CTSB: variants seen among roughly 807,000 people sequenced by gnomAD.
The protein encoded by CTSB is APP secretase.
CTSB carries 57 observed loss-of-function variants against 44.3 expected under a neutral mutation model. The observed-to-expected ratio is 1.29, with a 90% confidence interval of 1.04 to 1.60. The LOEUF (loss-of-function observed/expected upper bound fraction) is 1.60. CTSB is among the 40% of genes most tolerant of loss of function. The pLI, the probability that CTSB is intolerant of heterozygous loss-of-function variation, is 0.00. For missense variants in CTSB, 768 were observed against 443.0 expected (o/e 1.73, Z -6.59); for synonymous variants, 320 against 168.0 (o/e 1.91, Z -7.00).
chr8:11,845,855 A>G, intron 8 of CTSB, 66 bp from the exon 9 acceptor site: 1 of 1,499,302 alleles, frequency 6.7e-7, no homozygotes, highest in African/African-American at 1.4e-5. Flanking sequence ...AGCACCCCCC[A>G]CACTCAGCTG....
At chr8:11,859,822 C>G (rs796871916) in intron 1 of CTSB, among the ~76,000 whole-genome samples, 6 of 138,092 alleles carry the variant, frequency 4.3e-5, no homozygotes, top group African/African-American at 1.6e-4. Flanking sequence ...CGCATGTAAT[C>G]CCAGCACTTT....
intron 1 of CTSB, among the ~76,000 whole-genome samples, chr8:11,856,549 G>A (rs1018601527): frequency 6.6e-6 from 1 of 152,078 alleles, no homozygotes; most frequent in African/African-American, 2.4e-5. Flanking sequence ...GGAGGCAGAG[G>A]CTGCACTCCA....
intron 1 of CTSB, among the ~76,000 whole-genome samples, chr8:11,865,071 G>C (rs185881445): frequency 6.6e-6 from 1 of 152,140 alleles, no homozygotes; most frequent in African/African-American, 2.4e-5. Flanking sequence ...GGGACCAGAC[G>C]TAGAGACTGC....
chr8:11,864,637 G>C (rs141716528), intron 1 of CTSB, among the ~76,000 whole-genome samples: 51 of 152,248 alleles, frequency 3.3e-4, no homozygotes, highest in African/African-American at 1.1e-3. Flanking sequence ...GATAAGGCTT[G>C]AAACTAAAAA....
rs569773051 is a variant in CTSB at position 11,855,290 on chromosome 8, G to C, written c.-25-1811C>G. On this transcript the variant is annotated intron_variant, in intron 1 of 9. Coordinates refer to ENST00000353047, the MANE Select transcript of CTSB (RefSeq NM_001908.5). ...CTGACTCAGCCTCCCAAAGTGCTGC[G>C]ATGACAGGCGTGAGGCACCGCACCA... Among the ~76,000 whole-genome samples the C allele has an allele frequency of 3.0e-4, 45 of 152,288 alleles. 1 individual carries two copies. The South Asian group carries it at 8.3e-3, about 28-fold the overall frequency.
chr8:11,849,148 T>G lies in CTSB; in HGVS notation c.344A>C (p.Glu115Ala). ...GATGCAGATCCGGTCAGAGATGGCT[T>G]CCACAGCCCCGAAGGCCTGCAGGAA... ...CGSCWAFGAV[E>A]AISDRICIHT... Residue 115 changes from glutamate (E) to alanine (A), a missense_variant, in exon 5 of 10, where the codon GAA (glutamate) becomes GCA (alanine). Coordinates refer to ENST00000353047, the MANE Select transcript of CTSB (RefSeq NM_001908.5). The G allele has an allele frequency of 6.2e-7, 1 of 1,612,576 alleles. No individual in the cohort carries two copies. The highest frequency in any genetic ancestry group is 8.5e-7 in the Non-Finnish European group (1 of 1,179,742).
At chr8:11,849,313 T>C in intron 4 of CTSB, 149 bp from the exon 5 acceptor site, 1 of 554,130 alleles carries the variant, frequency 1.8e-6, no homozygotes, top group Non-Finnish European at 3.3e-6. Context: ...CAAACTCAGC[T>C]TTTATTTTCT....
intron 8 of CTSB, chr8:11,846,050 T>A (rs1813263373): frequency 1.6e-5 from 5 of 318,736 alleles, no homozygotes; most frequent in Non-Finnish European, 2.9e-5. Context: ...AAAAATAGAA[T>A]TTCTAATACA....
chr8:11,859,232 T>C (rs1209843777), intron 1 of CTSB, among the ~76,000 whole-genome samples: 1 of 152,174 alleles, frequency 6.6e-6, no homozygotes, highest in Non-Finnish European at 1.5e-5. Context: ...TAGAACGTTG[T>C]TATGTGCCAA....
chr8:11,846,031 G>T, intron 8 of CTSB: 1 of 353,774 alleles, frequency 2.8e-6, no homozygotes, highest in South Asian at 8.1e-5. Flanking sequence ...AAATGTGCTT[G>T]TTGGCTTTAA....
At chr8:11,862,014 T>C (rs1238681147) in intron 1 of CTSB, among the ~76,000 whole-genome samples, 1 of 152,078 alleles carries the variant, frequency 6.6e-6, no homozygotes, top group Non-Finnish European at 1.5e-5. Flanking sequence ...GAGACCATCC[T>C]GGATAACACG....
chr8:11,848,261 G>T, intron 5 of CTSB, 109 bp from the exon 6 acceptor site: 1 of 925,372 alleles, frequency 1.1e-6, no homozygotes, highest in Non-Finnish European at 1.8e-6. Context: ...ACCCCCAGCT[G>T]CAGCAAGTGG....
chr8:11,847,271 C>G (rs187895285), intron 7 of CTSB, 103 bp from the exon 8 acceptor site: 2 of 772,698 alleles, frequency 2.6e-6, no homozygotes, highest in East Asian at 4.9e-5. Flanking sequence ...CAGGGGAAGA[C>G]TGCATCTAAG....
At chr8:11,848,415 A>C (rs1194591961) in intron 5 of CTSB, 7 of 600,442 alleles carry the variant, frequency 1.2e-5, no homozygotes, top group Non-Finnish European at 1.9e-5. Context: ...TCCATACCAG[A>C]CCAGGCTACG....
At chr8:11,847,336 AGGGCTGG>A (rs1813588831) in intron 7 of CTSB, among the ~76,000 whole-genome samples, 168 bp from the exon 8 acceptor site, 1 of 152,118 alleles carries the variant, frequency 6.6e-6, no homozygotes, top group African/African-American at 2.4e-5. Flanking sequence ...AACTAAGGAC[AGGGCTGG>A]GGCTGGAAGC....
At chr8:11,852,133 C>T (rs1018966812) in intron 3 of CTSB, among the ~76,000 whole-genome samples, 2 of 152,076 alleles carry the variant, frequency 1.3e-5, no homozygotes, top group Admixed American at 6.5e-5. Context: ...TCTGGGATGC[C>T]GAGTTGGGCA....
intron 7 of CTSB, 35 bp downstream of exon 7, chr8:11,847,644 C>T: frequency 6.6e-7 from 1 of 1,505,530 alleles, no homozygotes; most frequent in Non-Finnish European, 8.8e-7. Flanking sequence ...TCCCCAGCCT[C>T]CACGTGCGCC....
chr8:11,866,880 G>A (rs943271343), intron 1 of CTSB, among the ~76,000 whole-genome samples: 3 of 152,150 alleles, frequency 2.0e-5, no homozygotes, highest in African/African-American at 7.2e-5. Context: ...TTCGCCTTAC[G>A]TTCCTGAACG....
At chr8:11,853,092 C>T (rs185634264) in intron 2 of CTSB, among the ~76,000 whole-genome samples, 17 of 152,272 alleles carry the variant, frequency 1.1e-4, no homozygotes, top group Middle Eastern at 3.4e-3. Context: ...CACACCTCCA[C>T]GTGCACACAA....
Sources: gnomAD v4.1 joint callset for allele counts (sites outside exome capture counted in the v4.1 genomes callset) on GRCh38, gnomAD v4.1.1 for gene constraint, MANE v1.5 for transcripts, NCBI Gene and HGNC (gene_info 2026-07-23, HGNC 2026-07-21) for gene names.